The following GASK1A variants were observed in gnomAD, a reference collection of about 807,000 sequenced individuals.
The protein encoded by GASK1A is golgi associated kinase 1A.
GASK1A carries 40 observed loss-of-function variants against 41.2 expected under a neutral mutation model. The ratio of observed to expected loss-of-function variants is 0.97; its 90% confidence interval spans 0.75 to 1.27. The LOEUF (loss-of-function observed/expected upper bound fraction) is 1.27, where lower values mean the gene tolerates loss of function less well. GASK1A is among the 50% of genes most tolerant of loss of function. GASK1A has a pLI of 0.00. For missense variants in GASK1A, 678 were observed against 745.1 expected, an observed-to-expected ratio of 0.91 and a Z score of 1.05; for synonymous variants, 316 against 307.1, an observed-to-expected ratio of 1.03 and a Z score of -0.30.
intron 1 of GASK1A, among the ~76,000 whole-genome samples, chr3:43,012,153 G>A (rs558072527): frequency 5.3e-5 from 8 of 151,406 alleles, no homozygotes; most frequent in African/African-American, 1.2e-4. Flanking sequence ...AGGGACTGTG[G>A]AAAGTCACAG....
Position 43,032,592 on chromosome 3 carries a change from G to A in GASK1A, c.329G>A (p.Gly110Glu), listed in dbSNP as rs1469716719. The stretch of plus-strand genomic sequence containing the variant: ...GACAGAAGCAGGGAGTCCCCAGGAG[G>A]GGACCTCAGGCATCCAGGGAGGGTG... ...RVDRSRESPG[G>E]DLRHPGRVRR... Residue 110 changes from glycine to glutamate, a missense_variant, in exon 2 of 5, where the codon GGG (glycine) becomes GAG (glutamate). Transcript: ENST00000430121. The A allele has an allele frequency of 1.3e-6, 2 of 1,551,464 alleles. No homozygotes were observed. The highest frequency in any genetic ancestry group is 3.9e-5 in the Admixed American group (2 of 50,990).
chr3:43,013,666 A>T (rs895597411), intron 1 of GASK1A, among the ~76,000 whole-genome samples: 2 of 152,098 alleles, frequency 1.3e-5, no homozygotes, highest in Admixed American at 6.5e-5. Flanking sequence ...GTGCAGTGGG[A>T]AGTTACAGGA....
rs1442774675 is a variant in GASK1A at position 42,984,276 on chromosome 3, T to G, written c.3+4631T>G. ...TGGGAAAATCCCAGGCCGCCCTTCT[T>G]TATGTGGATTTCACTTCCTATCTCT... On this transcript the variant is annotated intron_variant, in intron 1 of 4. Coordinates refer to ENST00000430121, the MANE Select transcript of GASK1A (RefSeq NM_001129908.3). The surrounding 1 kb of genome is among the most constrained non-coding windows in gnomAD (Gnocchi z 4.2). Among the ~76,000 whole-genome samples, 3 of 150,002 alleles carry G rather than the reference T, an allele frequency of 2.0e-5. No individual in the cohort carries two copies. The highest frequency in any genetic ancestry group is 4.9e-5 in the African/African-American group (2 of 40,828).
At chr3:43,049,487 G>A (rs1410871941) in intron 2 of GASK1A, among the ~76,000 whole-genome samples, 1 of 152,216 alleles carries the variant, frequency 6.6e-6, no homozygotes, top group Non-Finnish European at 1.5e-5. Flanking sequence ...AAGCAGTAAA[G>A]AGGGTACTCC....
chr3:43,032,970 T>C lies in GASK1A; in HGVS notation c.707T>C (p.Leu236Pro). 1 of 1,550,916 alleles carries C rather than the reference T, an allele frequency of 6.4e-7. No homozygotes were observed. Among genetic ancestry groups the C allele is most frequent in the South Asian group, 1.2e-5 (1 of 84,032 alleles). ...CAGTGGCCTGGCTCTGTTGAGAAGCTGCAAGGGTCAGTATGGTGTGATGCT... is the reference window on the plus strand; with the variant it reads ...CAGTGGCCTGGCTCTGTTGAGAAGCCGCAAGGGTCAGTATGGTGTGATGCT... ...AHQWPGSVEKLQGSVWCDAET... is the reference protein window; with the variant it reads ...AHQWPGSVEKPQGSVWCDAET... The change falls in exon 2 of 5, where the codon CTG becomes CCG. Residue 236 changes from leucine (L) to proline (P), a missense_variant. Leu to Pro is a moderately conservative substitution (Grantham distance 98). Coordinates refer to ENST00000430121, the MANE Select transcript of GASK1A (RefSeq NM_001129908.3).
intron 1 of GASK1A, among the ~76,000 whole-genome samples, chr3:43,002,833 G>T (rs907451537): frequency 6.6e-6 from 1 of 151,926 alleles, no homozygotes; most frequent in Non-Finnish European, 1.5e-5. Context: ...TATTTCTATT[G>T]GTTGGCTCTG....
intron 2 of GASK1A, among the ~76,000 whole-genome samples, chr3:43,050,658 C>T (rs1256020522): frequency 6.6e-6 from 1 of 152,022 alleles, no homozygotes; most frequent in Non-Finnish European, 1.5e-5. Context: ...TGTTGGTACA[C>T]TTGATGGTGT....
Position 43,047,658 on chromosome 3 carries a change from C to T in GASK1A, c.1291-5863C>T, listed in dbSNP as rs553645297. Among the ~76,000 whole-genome samples the T allele has an allele frequency of 2.6e-5, 4 of 152,272 alleles. No homozygotes were observed. The South Asian group carries it at 6.2e-4, about 24-fold the overall frequency. On this transcript the variant is annotated intron_variant, in intron 2 of 4. Transcript: ENST00000430121. ...CTTCTCTCTCTCCCCTTCTCTCATA[C>T]TCTTCTTCTCTCTTTCCTGCTGGAC...
rs78970351 is a variant in GASK1A at position 43,025,654 on chromosome 3, G to A, written c.4-6613G>A. Among the ~76,000 whole-genome samples, 825 of 152,328 alleles carry A rather than the reference G, an allele frequency of 5.4e-3. 6 individuals carry two copies. Among genetic ancestry groups the A allele is most frequent in the African/African-American group, 0.019 (778 of 41,570 alleles). The stretch of plus-strand genomic sequence containing the variant: ...AAGCTGGTGAATAAATCTTGTGGAA[G>A]TGTGCAGCAGGAACAAAATTCTTGG... On this transcript the variant is annotated intron_variant, in intron 1 of 4. Coordinates refer to ENST00000430121, the MANE Select transcript of GASK1A (RefSeq NM_001129908.3).
In GASK1A at chr3:42,984,513, G is replaced by A. The variant is rs1011922137; in HGVS notation, c.3+4868G>A. Among the ~76,000 whole-genome samples the A allele has an allele frequency of 6.6e-6, 1 of 152,118 alleles. No individual in the cohort carries two copies. The highest frequency in any genetic ancestry group is 2.4e-5 in the African/African-American group (1 of 41,418). On this transcript the variant is annotated intron_variant, in intron 1 of 4. Transcript: ENST00000430121. This position sits in a 1 kb window ranked among gnomAD's most constrained non-coding sequence, Gnocchi z 4.2. ...GGAAGATGGAAGGTGCTTTATAATA[G>A]CATCTGGTGAATCCTGGGGTCAAGG... is the stretch of plus-strand genomic sequence containing the variant.
intron 1 of GASK1A, among the ~76,000 whole-genome samples, chr3:42,992,630 G>A (rs551862470): frequency 6.6e-6 from 1 of 152,174 alleles, no homozygotes; most frequent in African/African-American, 2.4e-5. Context: ...CCAAAGAGGG[G>A]CTGCCTTTGC....
chr3:43,055,567 T>C, intron 4 of GASK1A, 32 bp downstream of exon 4: 1 of 1,473,410 alleles, frequency 6.8e-7, no homozygotes, highest in South Asian at 1.2e-5. Context: ...TGGAAGTTCA[T>C]GGGACTGAGA....
chr3:43,002,651 A>C (rs546384422), intron 1 of GASK1A, among the ~76,000 whole-genome samples: 1 of 152,248 alleles, frequency 6.6e-6, no homozygotes, highest in Non-Finnish European at 1.5e-5. Context: ...TTACAAAAAA[A>C]CTAAAATATC....
At chr3:43,006,829 G>A (rs7618452) in intron 1 of GASK1A, among the ~76,000 whole-genome samples, 1,614 of 152,294 alleles carry the variant, frequency 0.011, 31 homozygotes, top group African/African-American at 0.037. Flanking sequence ...GCTGCTACAG[G>A]CAATTGATTG....
intron 1 of GASK1A, among the ~76,000 whole-genome samples, chr3:43,018,552 G>T (rs1404107539): frequency 6.6e-6 from 1 of 152,086 alleles, no homozygotes; most frequent in Non-Finnish European, 1.5e-5. Context: ...TGCTTCTGAT[G>T]CTACCTCTCA....
chr3:43,035,578 T>C (rs1354259031), intron 2 of GASK1A, among the ~76,000 whole-genome samples: 2 of 152,354 alleles, frequency 1.3e-5, no homozygotes, highest in East Asian at 3.9e-4. Flanking sequence ...ACTCTACTTG[T>C]GTTTCTTGGA....
chr3:43,037,245 G>A, intron 2 of GASK1A: 1 of 1,050,826 alleles, frequency 9.5e-7, no homozygotes, highest in Non-Finnish European at 1.5e-6. Flanking sequence ...GTCCCTGGCT[G>A]AAAATGGAGC....
chr3:43,039,426 C>T (rs558551060), intron 2 of GASK1A, among the ~76,000 whole-genome samples: 2 of 152,288 alleles, frequency 1.3e-5, no homozygotes, highest in East Asian at 1.9e-4. Flanking sequence ...TGGTCTTGAA[C>T]TCCTGACCAC....
At chr3:43,013,917 GGAAGTCACAGGAAGAGGCAGTGT>G (rs2089476728) in intron 1 of GASK1A, among the ~76,000 whole-genome samples, 1 of 150,802 alleles carries the variant, frequency 6.6e-6, no homozygotes, top group Non-Finnish European at 1.5e-5. Context: ...AGTGGCTGTT[GGAAGTCACAGGAAGAGGCAGTGT>G]GAAGTCACAG....
Sources: allele counts gnomAD v4.1 joint callset (sites outside exome capture counted in the v4.1 genomes callset), GRCh38; gene constraint gnomAD v4.1.1; non-coding constraint Gnocchi (gnomAD v3.1); transcripts MANE v1.5; gene names NCBI Gene and HGNC (gene_info 2026-07-23, HGNC 2026-07-21).